The following GPC5 variants were observed in gnomAD, a reference collection of about 807,000 sequenced individuals.
GPC5 encodes glypican-5.
A neutral mutation model predicts 53.9 loss-of-function variants in GPC5; 47 were observed. The observed-to-expected ratio is 0.87, with a 90% CI of 0.69 to 1.11. GPC5 has a LOEUF of 1.11. GPC5 is among the 50% of genes most tolerant of loss of function. GPC5 has a pLI of 0.00. For synonymous variants in GPC5, 286 were observed against 263.3 expected (o/e 1.09, Z -0.84); for missense variants, 748 against 713.1 (o/e 1.05, Z -0.56).
intron 2 of GPC5, among the ~76,000 whole-genome samples, chr13:91,556,117 CT>C (rs2030933906): frequency 6.6e-6 from 1 of 151,948 alleles, no homozygotes. Context: ...CTACTTTGTT[CT>C]CCATTTCAAT....
intron 7 of GPC5, among the ~76,000 whole-genome samples, chr13:92,588,295 T>C (rs1321995646): frequency 2.0e-5 from 3 of 152,222 alleles, no homozygotes. Context: ...ATGGTGTAAA[T>C]GTACCACATT....
At chr13:91,422,655 A>G (rs1878722532) in intron 1 of GPC5, among the ~76,000 whole-genome samples, 1 of 151,176 alleles carries the variant, frequency 6.6e-6, no homozygotes, top group African/African-American at 2.4e-5. Context: ...GAAAAAAAAA[A>G]CCATTTCTTA....
At chr13:91,825,289 T>C (rs1315427975) in intron 5 of GPC5, among the ~76,000 whole-genome samples, 1 of 152,118 alleles carries the variant, frequency 6.6e-6, no homozygotes, top group Non-Finnish European at 1.5e-5. Context: ...GTCTTACTTT[T>C]TGTAATGTAA....
chr13:92,702,236 C>T (rs1002108554), intron 7 of GPC5, among the ~76,000 whole-genome samples: 5 of 152,104 alleles, frequency 3.3e-5, no homozygotes, highest in African/African-American at 1.2e-4. Flanking sequence ...CACTCACATC[C>T]TGAATGATCT....
At chr13:92,124,293 C>A (rs2041676708) in intron 6 of GPC5, among the ~76,000 whole-genome samples, 1 of 137,258 alleles carries the variant, frequency 7.3e-6, no homozygotes, top group Non-Finnish European at 1.5e-5. Flanking sequence ...TCATATTATT[C>A]TTTGAGCTCC....
intron 6 of GPC5, among the ~76,000 whole-genome samples, chr13:92,112,266 T>C (rs1203924900): frequency 1.3e-5 from 2 of 151,996 alleles, no homozygotes; most frequent in Non-Finnish European, 2.9e-5. Flanking sequence ...ACTGAAGTAA[T>C]AATTATCGAT....
chr13:91,935,111 G>A (rs72633736), intron 6 of GPC5, among the ~76,000 whole-genome samples: 3,664 of 151,984 alleles, frequency 0.024, 112 homozygotes, highest in African/African-American at 0.071. Context: ...ATGGCAGCAG[G>A]TCGTAACAGT....
At chr13:91,804,231 A>T (rs1233659111) in intron 5 of GPC5, among the ~76,000 whole-genome samples, 4 of 152,212 alleles carry the variant, frequency 2.6e-5, no homozygotes, top group Non-Finnish European at 5.9e-5. Context: ...TCTTAACAAT[A>T]AAAGTTATTC....
intron 6 of GPC5, among the ~76,000 whole-genome samples, chr13:92,122,467 A>G (rs569376881): frequency 6.6e-6 from 1 of 151,902 alleles, no homozygotes; most frequent in Admixed American, 6.6e-5. Context: ...CTGGTGCTTA[A>G]TTAGGTGCTT....
At chr13:92,727,620 A>T (rs1467147243) in intron 7 of GPC5, among the ~76,000 whole-genome samples, 1 of 151,348 alleles carries the variant, frequency 6.6e-6, no homozygotes, top group Non-Finnish European at 1.5e-5. Context: ...TCTCTTCATT[A>T]TCAGCTGTCT....
At chr13:92,663,423 G>A (rs1195181711) in intron 7 of GPC5, among the ~76,000 whole-genome samples, 1 of 151,526 alleles carries the variant, frequency 6.6e-6, no homozygotes, top group Non-Finnish European at 1.5e-5. Flanking sequence ...CGTAAAAAGA[G>A]CTTATCTAGT....
In GPC5 at chr13:91,650,750, G is replaced by GTTTTTGTTTTTTTTTTTTTTTTTT. The variant is rs1491353283; in HGVS notation, c.326-42432_326-42431insGTTTTTTTTTTTTTTTTTTTTTTT. 1.9e-3 allele frequency among the ~76,000 whole-genome samples: 192 copies of GTTTTTGTTTTTTTTTTTTTTTTTT among 99,576 alleles called. 7 individuals are homozygous for GTTTTTGTTTTTTTTTTTTTTTTTT. Among genetic ancestry groups the GTTTTTGTTTTTTTTTTTTTTTTTT allele is most frequent in the East Asian group, 6.6e-3 (20 of 3,042 alleles). The allele number at this position is 99,576 out of a possible 152,430, so 65.3% of individuals were successfully genotyped here. ...CATCTGTGAAACAAAATTCCCATAAGTTTTTTTTTTTTTTTTTTTTTTAGC... is the reference window on the plus strand; with the variant it reads ...CATCTGTGAAACAAAATTCCCATAAGTTTTTGTTTTTTTTTTTTTTTTTTTTTTTTTTTTTTTTTTTTTTTTAGC... On this transcript the variant is annotated intron_variant, in intron 2 of 7. Transcript: ENST00000377067.
intron 1 of GPC5, among the ~76,000 whole-genome samples, chr13:91,440,939 C>T (rs1196058824): frequency 6.6e-6 from 1 of 152,172 alleles, no homozygotes; most frequent in Non-Finnish European, 1.5e-5. Context: ...TTGCTCTCAG[C>T]CCCTCTCTTC....
intron 2 of GPC5, among the ~76,000 whole-genome samples, chr13:91,506,068 C>G (rs953813521): frequency 2.6e-5 from 4 of 151,980 alleles, no homozygotes; most frequent in African/African-American, 9.7e-5. Context: ...TTCAGAGCAA[C>G]TCCATGGGGG....
intron 6 of GPC5, among the ~76,000 whole-genome samples, chr13:91,920,719 AT>A (rs1157493419): frequency 6.6e-6 from 1 of 152,174 alleles, no homozygotes; most frequent in African/African-American, 2.4e-5. Flanking sequence ...CAGGCATCAG[AT>A]TTGTAGCTGT....
intron 7 of GPC5, among the ~76,000 whole-genome samples, chr13:92,729,303 C>T (rs576327546): frequency 3.3e-5 from 5 of 151,410 alleles, no homozygotes; most frequent in Admixed American, 2.0e-4. Context: ...CCTAGATCCA[C>T]GCTATTCAAT....
chr13:91,592,663 A>G (rs1414709), intron 2 of GPC5, among the ~76,000 whole-genome samples: 147,018 of 152,308 alleles, frequency 0.97, 71,170 homozygotes, highest in East Asian at 1. Context: ...CCTGGGTGCT[A>G]GGATTTTCTT....
intron 7 of GPC5, among the ~76,000 whole-genome samples, chr13:92,614,734 A>G (rs1283090032): frequency 6.6e-6 from 1 of 152,214 alleles, no homozygotes; most frequent in African/African-American, 2.4e-5. Flanking sequence ...CCTCTAGTCA[A>G]CCATTTTCTC....
At chr13:92,296,537 A>T (rs1594078681) in intron 7 of GPC5, among the ~76,000 whole-genome samples, 1 of 151,880 alleles carries the variant, frequency 6.6e-6, no homozygotes, top group African/African-American at 2.4e-5. Flanking sequence ...TCTCAGCACC[A>T]CCCCTGCCTG....
Sources: gnomAD v4.1 joint callset for allele counts (sites outside exome capture counted in the v4.1 genomes callset) on GRCh38, gnomAD v4.1.1 for gene constraint, MANE v1.5 for transcripts, NCBI Gene and HGNC (gene_info 2026-07-23, HGNC 2026-07-21) for gene names.